The following RELN variants were observed in gnomAD, a reference collection of about 807,000 sequenced individuals.
RELN encodes reelin.
In RELN, 108 loss-of-function variants were observed where a neutral mutation model predicts 427.6. The observed-to-expected ratio is 0.25, with a 90% CI of 0.22 to 0.30. The LOEUF is 0.30. Among genes scored for constraint, RELN ranks in the 10% least tolerant of loss-of-function variants. The pLI, the probability that RELN is intolerant of heterozygous loss-of-function variation, is 1.00. For missense variants in RELN, 3,715 were observed against 4,302.8 expected (o/e 0.86, Z 3.82); for synonymous variants, 1,524 against 1,513.4 (o/e 1.01, Z -0.16).
At chr7:103,806,723 G>A (rs1018825818) in intron 3 of RELN, among the ~76,000 whole-genome samples, 3 of 152,116 alleles carry the variant, frequency 2.0e-5, no homozygotes, top group African/African-American at 7.2e-5. Flanking sequence ...TCCGAAAAGT[G>A]AATTATTATC....
chr7:103,933,605 A>C (rs1055808045), intron 1 of RELN, among the ~76,000 whole-genome samples: 1 of 152,062 alleles, frequency 6.6e-6, no homozygotes, highest in Admixed American at 6.6e-5. Flanking sequence ...CCTCTGAGGC[A>C]CAAGCAGAAC....
chr7:103,889,512 G>A (rs1233132089), intron 2 of RELN, among the ~76,000 whole-genome samples: 2 of 152,160 alleles, frequency 1.3e-5, no homozygotes, highest in Non-Finnish European at 2.9e-5. Context: ...TGAGCCTAGC[G>A]TAAGGCTACC....
chr7:103,781,828 T>C lies in RELN; in HGVS notation c.474-5201A>G, dbSNP rs552424640. ...TGACAAGCCTGATTCATTTCCAGAA[T>C]TGTTATTTTATGTAATTTACAGCTG... is the stretch of plus-strand genomic sequence containing the variant. On this transcript the variant is annotated intron_variant, in intron 3 of 64. Transcript: ENST00000428762. 9.9e-5 allele frequency among the ~76,000 whole-genome samples: 15 copies of C among 152,172 alleles called. No individual in the cohort carries two copies. The South Asian group carries it at 2.5e-3, about 25-fold the overall frequency.
chr7:103,820,201 G>C (rs907198902), intron 3 of RELN, among the ~76,000 whole-genome samples: 9 of 151,790 alleles, frequency 5.9e-5, no homozygotes, highest in Non-Finnish European at 1.3e-4. Flanking sequence ...AATTTATTTG[G>C]ATTTATTTAT....
intron 2 of RELN, among the ~76,000 whole-genome samples, chr7:103,903,781 G>C (rs1795134695): frequency 6.6e-6 from 1 of 151,930 alleles, no homozygotes; most frequent in Non-Finnish European, 1.5e-5. Context: ...TAGAAGAACT[G>C]CTCTTCCTTA....
intron 29 of RELN, 31 bp downstream of exon 29, chr7:103,575,517 A>G (rs1478687580): frequency 6.2e-7 from 1 of 1,607,578 alleles, no homozygotes; most frequent in African/African-American, 1.3e-5. Context: ...ATTTTACAAT[A>G]AAACCCTCAG....
Position 103,554,261 on chromosome 7 carries a change from G to C in RELN, c.5798-430C>G, listed in dbSNP as rs116650076. On this transcript the variant is annotated intron_variant, in intron 38 of 64. Transcript: ENST00000428762. ...GGGAAAAAAAAAACATAAAGTACTT[G>C]TCAGTACTTTGTATATTGTCAGTGA... Among the ~76,000 whole-genome samples the C allele has an allele frequency of 4.5e-3, 685 of 151,718 alleles. 8 individuals are homozygous for C. Among genetic ancestry groups the C allele is most frequent in the African/African-American group, 0.016 (651 of 41,410 alleles).
rs1830939095 is a variant in RELN at position 103,573,979 on chromosome 7, A to G, written c.4511+113T>C. The G allele has an allele frequency of 3.4e-6, 3 of 875,058 alleles. No homozygotes were observed. The highest frequency in any genetic ancestry group is 2.6e-5 in the East Asian group (1 of 38,734). 54.2% of individuals were successfully genotyped at this position (875,058 alleles called of 1,614,324 possible). ...CATTTTTACATATCATAATCTATAT[A>G]CAGAAACATTATTGTATATATTCCC... On this transcript the variant is annotated intron_variant, in intron 30 of 64. Coordinates refer to ENST00000428762, the MANE Select transcript of RELN (RefSeq NM_005045.4). This position sits in a 1 kb window ranked among gnomAD's most constrained non-coding sequence, Gnocchi z 4.4.
chr7:103,555,247 C>T (rs1251466804), intron 38 of RELN, among the ~76,000 whole-genome samples: 11 of 152,150 alleles, frequency 7.2e-5, no homozygotes, highest in South Asian at 2.1e-4. Flanking sequence ...CAAGCAGGAA[C>T]GTCAAGATTC....
intron 3 of RELN, among the ~76,000 whole-genome samples, chr7:103,832,814 A>C (rs1793306421): frequency 6.6e-6 from 1 of 152,122 alleles, no homozygotes; most frequent in Admixed American, 6.6e-5. Flanking sequence ...AATTTCCTAA[A>C]TGATCCCATT....
chr7:103,498,378 G>C (rs959508796), intron 53 of RELN, 126 bp from the exon 54 acceptor site: 1 of 872,106 alleles, frequency 1.1e-6, no homozygotes, highest in Non-Finnish European at 1.8e-6. Flanking sequence ...GCTTTTCAAA[G>C]ATGTTTAAAA....
chr7:103,843,954 G>T lies in RELN; in HGVS notation c.338-10282C>A, dbSNP rs545536434. Among the ~76,000 whole-genome samples the T allele has an allele frequency of 4.6e-5, 7 of 152,042 alleles. No homozygotes were observed. In the East Asian group the frequency reaches 5.8e-4, roughly 13 times the overall value. On this transcript the variant is annotated intron_variant, in intron 2 of 64. Transcript: ENST00000428762. ...CTGCATGGTGGTAGATAATCACTTC[G>T]CACTGCCTGCCCCCAGCCTCTCCTC...
rs2117249016 is a variant in RELN at position 103,593,888 on chromosome 7, A to G, written c.3712-6T>C. The G allele has an allele frequency of 6.2e-7, 1 of 1,606,214 alleles. No homozygotes were observed. Among genetic ancestry groups the G allele is most frequent in the Non-Finnish European group, 8.5e-7 (1 of 1,173,260 alleles). On this transcript the variant is annotated splice_region_variant and splice_polypyrimidine_tract_variant and intron_variant, in intron 26 of 64. Transcript: ENST00000428762. ...GCTGGCTTCTCATAAAAGTTCTAAT[A>G]GAAACAATACAAATAAAACAAAAGG...
At chr7:103,815,980 C>T (rs186272371) in intron 3 of RELN, among the ~76,000 whole-genome samples, 3 of 152,092 alleles carry the variant, frequency 2.0e-5, no homozygotes, top group Non-Finnish European at 1.5e-5. Flanking sequence ...AACTGTTATA[C>T]GTCAAGTCCT....
intron 16 of RELN, among the ~76,000 whole-genome samples, chr7:103,644,550 G>A (rs1038333855): frequency 1.3e-5 from 2 of 150,708 alleles, no homozygotes; most frequent in Admixed American, 6.6e-5. Context: ...CTCGAATACA[G>A]GTTTTTCAAG....
At chr7:103,967,252 A>G (rs957363045) in intron 1 of RELN, among the ~76,000 whole-genome samples, 2 of 151,948 alleles carry the variant, frequency 1.3e-5, no homozygotes, top group Admixed American at 1.3e-4. Context: ...TGCTCCTATC[A>G]CTAGTATCCA....
intron 27 of RELN, among the ~76,000 whole-genome samples, chr7:103,591,041 T>C (rs979701654): frequency 1.3e-5 from 2 of 152,258 alleles, no homozygotes; most frequent in Non-Finnish European, 2.9e-5. Flanking sequence ...TCCAAATGAA[T>C]CAGTTTAGGC....
chr7:103,924,634 A>G (rs1353172725), intron 1 of RELN, among the ~76,000 whole-genome samples: 1 of 152,122 alleles, frequency 6.6e-6, no homozygotes, highest in African/African-American at 2.4e-5. Context: ...GGAGGGGTAC[A>G]GCATCTCTGT....
At chr7:103,486,626 A>G (rs544252034) in intron 60 of RELN, among the ~76,000 whole-genome samples, 21 of 152,270 alleles carry the variant, frequency 1.4e-4, no homozygotes, top group Non-Finnish European at 2.6e-4. Context: ...AAAAGAAGAT[A>G]TTTATGTGGC....
Sources: gnomAD v4.1 joint callset for allele counts (sites outside exome capture counted in the v4.1 genomes callset) on GRCh38, gnomAD v4.1.1 for gene constraint, Gnocchi (gnomAD v3.1) non-coding constraint, MANE v1.5 for transcripts, NCBI Gene and HGNC (gene_info 2026-07-23, HGNC 2026-07-21) for gene names.